PIGU: variants seen among roughly 807,000 people sequenced by gnomAD.
The protein encoded by PIGU is GPI-anchor transamidase component PIGU.
In PIGU, 24 loss-of-function variants were observed where a neutral mutation model predicts 49.9. The ratio of observed to expected loss-of-function variants is 0.48; its 90% CI spans 0.35 to 0.68. The LOEUF (loss-of-function observed/expected upper bound fraction) is 0.68. Among genes scored for constraint, PIGU ranks in the 30% least tolerant of loss-of-function variants. The pLI, the probability that PIGU is intolerant of heterozygous loss-of-function variation, is 0.01. For synonymous variants in PIGU, 220 were observed against 205.7 expected (o/e 1.07, Z -0.59); for missense variants, 490 against 532.6 (o/e 0.92, Z 0.79).
At chr20:34,631,380 G>A (rs1169173572) in intron 6 of PIGU, among the ~76,000 whole-genome samples, 4 of 151,652 alleles carry the variant, frequency 2.6e-5, no homozygotes, top group Non-Finnish European at 5.9e-5. Flanking sequence ...AGAAAACAGA[G>A]GTAGAATTTG....
intron 6 of PIGU, among the ~76,000 whole-genome samples, chr20:34,622,284 C>T (rs546338207): frequency 1.7e-4 from 26 of 151,916 alleles, no homozygotes; most frequent in Non-Finnish European, 2.8e-4. Context: ...TTTGGGAGGC[C>T]GAGGAGGGTG....
intron 7 of PIGU, among the ~76,000 whole-genome samples, chr20:34,611,648 G>GAAAAAAAAAAAAAAAAAACAAA (rs146531122): frequency 1.5e-5 from 1 of 65,008 alleles, no homozygotes; most frequent in Non-Finnish European, 3.0e-5. Context: ...TCAAGTCTCA[G>GAAAAAAAAAAAAAAAAAACAAA]AAAAAAAAAA....
chr20:34,617,225 G>T (rs966133020), intron 6 of PIGU, among the ~76,000 whole-genome samples: 4 of 152,162 alleles, frequency 2.6e-5, no homozygotes, highest in African/African-American at 9.7e-5. Context: ...CTGAGAAGAG[G>T]GTCACTGTCC....
chr20:34,629,808 T>G (rs1985633552), intron 6 of PIGU, among the ~76,000 whole-genome samples: 1 of 152,240 alleles, frequency 6.6e-6, no homozygotes, highest in South Asian at 2.1e-4. Flanking sequence ...CACATGTGTT[T>G]ATCAACTCTC....
intron 7 of PIGU, among the ~76,000 whole-genome samples, chr20:34,596,001 C>T (rs1984183533): frequency 6.6e-6 from 1 of 152,132 alleles, no homozygotes; most frequent in Admixed American, 6.5e-5. Flanking sequence ...CTGCTTGAGC[C>T]CAGTCGGGCG....
chr20:34,612,280 T>G (rs1984844343), intron 7 of PIGU, among the ~76,000 whole-genome samples: 1 of 152,142 alleles, frequency 6.6e-6, no homozygotes, highest in South Asian at 2.1e-4. Flanking sequence ...CGCATGTTCT[T>G]ACTCATAAGT....
At chr20:34,661,740 G>C (rs1346439441) in intron 1 of PIGU, among the ~76,000 whole-genome samples, 1 of 152,104 alleles carries the variant, frequency 6.6e-6, no homozygotes, top group Non-Finnish European at 1.5e-5. Flanking sequence ...CTAGTAATGG[G>C]ATTGATGGGT....
chr20:34,654,513 T>C (rs1986648868), intron 2 of PIGU, among the ~76,000 whole-genome samples: 1 of 116,428 alleles, frequency 8.6e-6, no homozygotes, highest in African/African-American at 3.2e-5. Context: ...TCTGAAGTTG[T>C]TCCTAACCTG....
At chr20:34,663,737 T>C (rs1002527620) in intron 1 of PIGU, among the ~76,000 whole-genome samples, 1 of 152,158 alleles carries the variant, frequency 6.6e-6, no homozygotes, top group African/African-American at 2.4e-5. Flanking sequence ...AGCTATTAAA[T>C]CCTTCACTAA....
chr20:34,671,966 T>C (rs1568669755), intron 1 of PIGU, among the ~76,000 whole-genome samples: 5 of 152,062 alleles, frequency 3.3e-5, no homozygotes, highest in African/African-American at 4.8e-5. Flanking sequence ...AGAGTCTCAC[T>C]CTGTCACCTA....
At chr20:34,671,435 ATTTT>A (rs1335371390) in intron 1 of PIGU, among the ~76,000 whole-genome samples, 2 of 151,476 alleles carry the variant, frequency 1.3e-5, no homozygotes, top group Non-Finnish European at 2.9e-5. Context: ...CTAATTTTGT[ATTTT>A]TTTAGTAGAG....
intron 7 of PIGU, among the ~76,000 whole-genome samples, chr20:34,607,095 A>C (rs771733965): frequency 7.2e-5 from 11 of 152,230 alleles, no homozygotes; most frequent in Non-Finnish European, 1.3e-4. Context: ...TTAGCAAAGA[A>C]TCTAGAGGGT....
chr20:34,645,664 G>A (rs6059963), intron 2 of PIGU, among the ~76,000 whole-genome samples: 1 of 152,148 alleles, frequency 6.6e-6, no homozygotes, highest in African/African-American at 2.4e-5. Context: ...GGGAGGCTGA[G>A]GCAGGCAGAT....
intron 1 of PIGU, among the ~76,000 whole-genome samples, chr20:34,670,310 C>A (rs1600676459): frequency 6.6e-6 from 1 of 151,550 alleles, no homozygotes; most frequent in Non-Finnish European, 1.5e-5. Flanking sequence ...CTGCCTCAGC[C>A]TCCTGAGTAG....
chr20:34,657,212 C>T lies in PIGU; in HGVS notation c.163G>A (p.Val55Ile). The change falls in exon 2 of 12, where the codon GTA becomes ATA. Residue 55 changes from valine to isoleucine, a missense_variant. Coordinates refer to ENST00000217446, the MANE Select transcript of PIGU (RefSeq NM_080476.5). ...VEGLSLLDLG[V>I]SPYSGAVFHE... ...AATACTGCTCCAGAATACGGAGATA[C>T]TCCCAAGTCCAACAGTGAAAGGCCT... 1 of 1,612,886 alleles carries T rather than the reference C, an allele frequency of 6.2e-7. No individual in the cohort carries two copies. Among genetic ancestry groups the T allele is most frequent in the Non-Finnish European group, 8.5e-7 (1 of 1,178,952 alleles).
chr20:34,575,651 C>T (rs966053799), intron 10 of PIGU, among the ~76,000 whole-genome samples: 1 of 152,084 alleles, frequency 6.6e-6, no homozygotes, highest in African/African-American at 2.4e-5. Flanking sequence ...GGGTGGGAAC[C>T]CCAGCATGAA....
chr20:34,615,980 C>T, intron 7 of PIGU, 62 bp downstream of exon 7: 1 of 1,533,494 alleles, frequency 6.5e-7, no homozygotes, highest in Non-Finnish European at 8.7e-7. Context: ...TTTCCCCCAG[C>T]AGGGACCAGG....
rs566372833 is a variant in PIGU, at chr20:34,561,080, T to C, written c.1195-101A>G. 1.0e-5 allele frequency: 8 copies of C among 776,330 alleles called. No individual in the cohort carries two copies. In the South Asian group the frequency reaches 1.4e-4, roughly 14 times the overall value. The allele number at this position is 776,330 out of a possible 1,614,324, so 48.1% of individuals were successfully genotyped here. ...TGTTGTTGGAAGACAGGAACGCCCC[T>C]GCCTGGCTCTGGATCACAATCACTG... On this transcript the variant is annotated intron_variant, in intron 11 of 11. Transcript: ENST00000217446.
intron 4 of PIGU, among the ~76,000 whole-genome samples, chr20:34,641,928 A>C (rs1035368500): frequency 1.3e-5 from 2 of 152,178 alleles, no homozygotes; most frequent in African/African-American, 4.8e-5. Flanking sequence ...GAAAAACAAA[A>C]ACATTCCAAA....
Sources: gnomAD v4.1 joint callset for allele counts (sites outside exome capture counted in the v4.1 genomes callset) on GRCh38, gnomAD v4.1.1 for gene constraint, MANE v1.5 for transcripts, NCBI Gene and HGNC (gene_info 2026-07-23, HGNC 2026-07-21) for gene names.